RANBP2: variants seen among roughly 807,000 people sequenced by gnomAD.
RANBP2 encodes E3 SUMO-protein ligase RanBP2.
A neutral mutation model predicts 303.6 loss-of-function variants in RANBP2; 57 were observed. The observed-to-expected ratio is 0.19, with a 90% CI of 0.15 to 0.23. RANBP2 has a LOEUF of 0.23. Among genes scored for constraint, RANBP2 ranks in the 10% least tolerant of loss-of-function variants. The pLI is 1.00. For synonymous variants in RANBP2, 1,167 were observed against 1,301.5 expected, an observed-to-expected ratio of 0.90 and a Z score of 2.23; for missense variants, 3,138 against 3,780.8, an observed-to-expected ratio of 0.83 and a Z score of 4.46.
the RANBP2 span, among the ~76,000 whole-genome samples, chr2:109,343,910 T>A: frequency 1.3e-5 from 2 of 152,036 alleles, no homozygotes; most frequent in African/African-American, 2.4e-5. Flanking sequence ...TGCCTATTTT[T>A]AAAAAATATT....
chr2:109,203,604 T>G, the RANBP2 span, among the ~76,000 whole-genome samples: 1 of 152,124 alleles, frequency 6.6e-6, no homozygotes, highest in Non-Finnish European at 1.5e-5. Context: ...GTTCTCCACT[T>G]TCCCTTTGCA....
the RANBP2 span, among the ~76,000 whole-genome samples, chr2:108,793,945 G>A: frequency 6.6e-6 from 1 of 152,080 alleles, no homozygotes; most frequent in Non-Finnish European, 1.5e-5. Context: ...AGCCACGTAC[G>A]AGACTGTAGC....
the RANBP2 span, among the ~76,000 whole-genome samples, chr2:109,223,436 C>T: frequency 1.7e-4 from 26 of 152,316 alleles, no homozygotes; most frequent in Admixed American, 1.4e-3. Flanking sequence ...TTTGATTCCT[C>T]GGTTATTTCA....
At chr2:108,916,723 TGGG>T in the RANBP2 span, among the ~76,000 whole-genome samples, 2 of 152,064 alleles carry the variant, frequency 1.3e-5, no homozygotes, top group Non-Finnish European at 2.9e-5. Context: ...GGGGGCAAGA[TGGG>T]TGGGATGGTG....
the RANBP2 span, among the ~76,000 whole-genome samples, chr2:109,296,764 G>T: frequency 6.6e-6 from 1 of 152,168 alleles, no homozygotes; most frequent in African/African-American, 2.4e-5. Context: ...CCTGGGACTT[G>T]CCATGGCGTG....
At chr2:109,112,202 C>T in the RANBP2 span, among the ~76,000 whole-genome samples, 12 of 151,954 alleles carry the variant, frequency 7.9e-5, no homozygotes, top group East Asian at 2.0e-4. Context: ...CCTGAGGAAT[C>T]GCCACACTGA....
the RANBP2 span, among the ~76,000 whole-genome samples, chr2:109,334,182 C>T: frequency 1.3e-5 from 2 of 151,984 alleles, no homozygotes; most frequent in Non-Finnish European, 2.9e-5. Context: ...ATGGTGAGAC[C>T]CCGTCCCTAC....
chr2:108,867,861 A>G, the RANBP2 span, among the ~76,000 whole-genome samples: 1 of 152,218 alleles, frequency 6.6e-6, no homozygotes, highest in Non-Finnish European at 1.5e-5. Flanking sequence ...TAGACATCAT[A>G]CATTTTTGTC....
the RANBP2 span, among the ~76,000 whole-genome samples, chr2:109,534,032 A>G: frequency 6.6e-6 from 1 of 152,152 alleles, no homozygotes; most frequent in Non-Finnish European, 1.5e-5. Context: ...GAGCGGCCTC[A>G]TACCCTCTCC....
chr2:108,946,379 T>C, the RANBP2 span, among the ~76,000 whole-genome samples: 1 of 152,230 alleles, frequency 6.6e-6, no homozygotes, highest in Non-Finnish European at 1.5e-5. Flanking sequence ...TGGTAAAGAC[T>C]TGCAGAGCTG....
At chr2:109,362,797 T>C in the RANBP2 span, among the ~76,000 whole-genome samples, 1 of 152,166 alleles carries the variant, frequency 6.6e-6, no homozygotes, top group African/African-American at 2.4e-5. Flanking sequence ...TCTTGGGGAA[T>C]TGACCCCTTC....
At chr2:109,270,839 G>A in the RANBP2 span, among the ~76,000 whole-genome samples, 2 of 152,370 alleles carry the variant, frequency 1.3e-5, no homozygotes, top group East Asian at 3.9e-4. Context: ...GTGACAGAGC[G>A]TTGGTAGGAT....
chr2:108,837,680 A>G, the RANBP2 span, among the ~76,000 whole-genome samples: 2 of 152,200 alleles, frequency 1.3e-5, no homozygotes, highest in African/African-American at 2.4e-5. Context: ...ACAGCTATGT[A>G]GAGTACATAA....
At chr2:108,993,141 G>C in the RANBP2 span, among the ~76,000 whole-genome samples, 1 of 152,234 alleles carries the variant, frequency 6.6e-6, no homozygotes, top group African/African-American at 2.4e-5. Context: ...GTGGGGGTAA[G>C]GGGGTGTGAG....
At chr2:109,716,709 G>A in the RANBP2 span, among the ~76,000 whole-genome samples, 1 of 152,100 alleles carries the variant, frequency 6.6e-6, no homozygotes, top group East Asian at 1.9e-4. Flanking sequence ...ACCATGCCTG[G>A]CTAATGTTTT....
chr2:109,403,670 G>A, the RANBP2 span, among the ~76,000 whole-genome samples: 1 of 152,234 alleles, frequency 6.6e-6, no homozygotes, highest in South Asian at 2.1e-4. Context: ...GCTCAATGCA[G>A]GGTGCTGGGG....
the RANBP2 span, among the ~76,000 whole-genome samples, chr2:108,927,884 C>A: frequency 6.6e-6 from 1 of 152,148 alleles, no homozygotes; most frequent in East Asian, 1.9e-4. Context: ...CATGGAGACA[C>A]CTGAGTATCC....
At chr2:109,533,783 G>C in the RANBP2 span, among the ~76,000 whole-genome samples, 1 of 152,146 alleles carries the variant, frequency 6.6e-6, no homozygotes, top group South Asian at 2.1e-4. Context: ...AGGTCCTGGG[G>C]GGTACTTTCA....
At chr2:109,234,932 T>G in the RANBP2 span, among the ~76,000 whole-genome samples, 1 of 152,218 alleles carries the variant, frequency 6.6e-6, no homozygotes. Context: ...GTATCTGAGT[T>G]GTTGTATGAG....
Sources: gnomAD v4.1 joint callset for allele counts (sites outside exome capture counted in the v4.1 genomes callset) on GRCh38, gnomAD v4.1.1 for gene constraint, MANE v1.5 for transcripts, NCBI Gene and HGNC (gene_info 2026-07-23, HGNC 2026-07-21) for gene names.